Variants in ARID3B observed in about 807,000 individuals in gnomAD.
ARID3B encodes the protein AT-rich interactive domain-containing protein 3B.
Under a neutral mutation model 51.9 loss-of-function variants are expected in ARID3B, and 10 were observed. That is an observed-to-expected ratio of 0.19 (90% confidence interval 0.12 to 0.33). The LOEUF is 0.33. ARID3B is among the 10% of genes least tolerant of loss of function. ARID3B has a pLI of 1.00. For missense variants in ARID3B, 483 were observed against 716.3 expected (o/e 0.67, Z 3.72); for synonymous variants, 205 against 279.5 (o/e 0.73, Z 2.66).
At chr15:74,548,498 A>G (rs896049310) in intron 2 of ARID3B, among the ~76,000 whole-genome samples, 3 of 152,190 alleles carry the variant, frequency 2.0e-5, no homozygotes, top group African/African-American at 7.2e-5. Context: ...ACTGGGAGCC[A>G]TTGCACAATA....
chr15:74,566,597 T>G (rs1299104002), intron 2 of ARID3B, among the ~76,000 whole-genome samples: 1 of 148,538 alleles, frequency 6.7e-6, no homozygotes, highest in East Asian at 2.0e-4. Context: ...AGTGAGACTC[T>G]GTCTCAAAAA....
At chr15:74,563,503 A>T (rs890189562) in intron 2 of ARID3B, among the ~76,000 whole-genome samples, 1 of 152,188 alleles carries the variant, frequency 6.6e-6, no homozygotes, top group Non-Finnish European at 1.5e-5. Context: ...GGGAAAAAAA[A>T]GTTTTATGAA....
chr15:74,570,976 AGAT>A (rs915052945), intron 2 of ARID3B, among the ~76,000 whole-genome samples: 2 of 152,156 alleles, frequency 1.3e-5, no homozygotes, highest in Non-Finnish European at 2.9e-5. Flanking sequence ...CTGCCTTGAG[AGAT>A]GATGAGTGCA....
chr15:74,544,900 C>G (rs955149312), intron 2 of ARID3B, among the ~76,000 whole-genome samples: 1 of 152,050 alleles, frequency 6.6e-6, no homozygotes, highest in Non-Finnish European at 1.5e-5. Context: ...CCGTGTTAGC[C>G]AAGATGGTCT....
chr15:74,580,867 C>T (rs193217367), intron 4 of ARID3B, among the ~76,000 whole-genome samples: 16 of 152,350 alleles, frequency 1.1e-4, no homozygotes, highest in African/African-American at 3.6e-4. Flanking sequence ...TTCAGTAGCG[C>T]TTCTGAGCAT....
chr15:74,543,818 T>A, intron 1 of ARID3B, 42 bp from the exon 2 acceptor site: 1 of 1,363,352 alleles, frequency 7.3e-7, no homozygotes, highest in Non-Finnish European at 1.0e-6. Flanking sequence ...AACATGGTTG[T>A]TTTTTCCCCC....
chr15:74,595,881 G>C lies in ARID3B; in HGVS notation c.*107G>C. The C allele has an allele frequency of 2.4e-6, 3 of 1,244,062 alleles. No individual in the cohort carries two copies. The highest frequency in any genetic ancestry group is 3.3e-6 in the Non-Finnish European group (3 of 912,250). The allele number at this position is 1,244,062 out of a possible 1,614,324, so 77.1% of individuals were successfully genotyped here. ...GAGCCCACGTCGACGAGCACCATTT[G>C]GCCAGACATTGAGAGTTTGGACGTG... On this transcript the variant is annotated 3_prime_UTR_variant, in exon 9 of 9. Coordinates refer to ENST00000346246, the MANE Select transcript of ARID3B (RefSeq NM_006465.4).
chr15:74,550,123 A>T (rs977051659), intron 2 of ARID3B, among the ~76,000 whole-genome samples: 3 of 152,086 alleles, frequency 2.0e-5, no homozygotes, highest in African/African-American at 7.2e-5. Context: ...TACCGAGCTC[A>T]TGTCTTTCCT....
rs2061769987 is a variant in ARID3B at position 74,583,732 on chromosome 15, G to A, written c.698-6088G>A. Among the ~76,000 whole-genome samples, 4 of 151,444 alleles carry A rather than the reference G, an allele frequency of 2.6e-5. No homozygotes were observed. The South Asian group carries it at 8.3e-4, about 32-fold the overall frequency. On this transcript the variant is annotated intron_variant, in intron 4 of 8. Transcript: ENST00000346246. ...ACTCTGTCTCAAAAAAAAAAAAAAA[G>A]TTCTTTATTTTGATCTGAGGGATGG... is the stretch of plus-strand genomic sequence containing the variant.
In ARID3B at chr15:74,591,846, C is replaced by G. The variant is rs775731174; in HGVS notation, c.1420+32C>G. The G allele has an allele frequency of 2.5e-6, 4 of 1,599,986 alleles. No homozygotes were observed. The highest frequency in any genetic ancestry group is 3.4e-6 in the Non-Finnish European group (4 of 1,170,862). On this transcript the variant is annotated intron_variant, in intron 7 of 8. Transcript: ENST00000346246. The surrounding 1 kb of genome is among the most constrained non-coding windows in gnomAD (Gnocchi z 5.8). The stretch of plus-strand genomic sequence containing the variant: ...CAGGCTCAGGGCCGGGCCTTCCCTT[C>G]CTGGAAACCCCAAGCCCATTCACGC...
intron 2 of ARID3B, among the ~76,000 whole-genome samples, chr15:74,544,691 T>C (rs2061609131): frequency 6.9e-6 from 1 of 144,532 alleles, no homozygotes; most frequent in Non-Finnish European, 1.5e-5. Context: ...ATGTTACTCT[T>C]TTTTTTTTTT....
chr15:74,549,759 A>G (rs879165871), intron 2 of ARID3B, among the ~76,000 whole-genome samples: 1 of 152,086 alleles, frequency 6.6e-6, no homozygotes, highest in Admixed American at 6.5e-5. Flanking sequence ...GTGGTTCTCA[A>G]TTAGAGGTGA....
At chr15:74,586,774 C>T (rs1030449979) in intron 4 of ARID3B, among the ~76,000 whole-genome samples, 6 of 152,216 alleles carry the variant, frequency 3.9e-5, no homozygotes, top group African/African-American at 1.4e-4. Context: ...ACAACCCCTG[C>T]CTTCATAGAG....
intron 2 of ARID3B, among the ~76,000 whole-genome samples, chr15:74,546,253 C>A (rs1021627561): frequency 7.2e-5 from 11 of 152,342 alleles, no homozygotes; most frequent in African/African-American, 2.6e-4. Flanking sequence ...GCCGGCTGCC[C>A]CCGCACTGCT....
chr15:74,543,443 T>C (rs1222096188), intron 1 of ARID3B, among the ~76,000 whole-genome samples: 1 of 152,220 alleles, frequency 6.6e-6, no homozygotes, highest in East Asian at 1.9e-4. Flanking sequence ...TTTTCCTTTA[T>C]TATTGTTGTT....
chr15:74,583,972 T>A (rs747738397), intron 4 of ARID3B, among the ~76,000 whole-genome samples: 1 of 152,232 alleles, frequency 6.6e-6, no homozygotes, highest in African/African-American at 2.4e-5. Context: ...TACCAGACAC[T>A]GCTGCCTGAT....
chr15:74,541,769 G>A (rs1238834664), intron 1 of ARID3B, among the ~76,000 whole-genome samples: 1 of 152,148 alleles, frequency 6.6e-6, no homozygotes, highest in Non-Finnish European at 1.5e-5. Flanking sequence ...GGCAGCAAAA[G>A]CAGGGGAATG....
At chr15:74,566,551 C>G (rs2061699330) in intron 2 of ARID3B, among the ~76,000 whole-genome samples, 1 of 151,590 alleles carries the variant, frequency 6.6e-6, no homozygotes, top group Admixed American at 6.6e-5. Flanking sequence ...TGTAGTGAGC[C>G]CAGATTACAC....
chr15:74,594,176 C>A (rs765821858), intron 8 of ARID3B, among the ~76,000 whole-genome samples: 1 of 152,152 alleles, frequency 6.6e-6, no homozygotes, highest in Non-Finnish European at 1.5e-5. Context: ...TTGCTGGGCG[C>A]GGTGGCTCAC....
Sources: allele counts gnomAD v4.1 joint callset (sites outside exome capture counted in the v4.1 genomes callset), GRCh38; gene constraint gnomAD v4.1.1; non-coding constraint Gnocchi (gnomAD v3.1); transcripts MANE v1.5; gene names NCBI Gene and HGNC (gene_info 2026-07-23, HGNC 2026-07-21).